Variants in GRID2 observed in about 807,000 individuals in gnomAD.
GRID2 encodes the protein glutamate ionotropic receptor delta type subunit 2.
GRID2 carries 33 observed loss-of-function variants against 114.8 expected under a neutral mutation model. The ratio of observed to expected loss-of-function variants is 0.29; its 90% CI spans 0.22 to 0.38. GRID2 has a LOEUF of 0.38. GRID2 is among the 10% of genes least tolerant of loss of function. The pLI, the probability that GRID2 is intolerant of heterozygous loss-of-function variation, is 1.00. For missense variants in GRID2, 1,184 were observed against 1,257.7 expected, an observed-to-expected ratio of 0.94 and a Z score of 0.89; for synonymous variants, 505 against 449.9, an observed-to-expected ratio of 1.12 and a Z score of -1.55.
chr4:93,690,763 C>G (rs6814829), intron 14 of GRID2, among the ~76,000 whole-genome samples: 2 of 151,370 alleles, frequency 1.3e-5, no homozygotes, highest in Non-Finnish European at 3.0e-5. Context: ...GTGCATTATA[C>G]TGGAATGATT....
At chr4:92,381,625 A>G (rs1422364755) in intron 1 of GRID2, among the ~76,000 whole-genome samples, 1 of 152,014 alleles carries the variant, frequency 6.6e-6, no homozygotes, top group African/African-American at 2.4e-5. Flanking sequence ...TTTCACCACA[A>G]TGTAAAAGTT....
chr4:93,700,100 T>G (rs1301902783), intron 14 of GRID2, among the ~76,000 whole-genome samples: 2 of 152,094 alleles, frequency 1.3e-5, no homozygotes, highest in African/African-American at 4.8e-5. Flanking sequence ...TACCCAAAGA[T>G]AGTTTAAGGT....
At chr4:93,466,601 C>T (rs1724296756) in intron 11 of GRID2, among the ~76,000 whole-genome samples, 1 of 152,068 alleles carries the variant, frequency 6.6e-6, no homozygotes, top group African/African-American at 2.4e-5. Flanking sequence ...TGGAAAGGGG[C>T]AGTAACTCCC....
At chr4:92,671,305 C>T (rs1579810687) in intron 2 of GRID2, among the ~76,000 whole-genome samples, 1 of 151,988 alleles carries the variant, frequency 6.6e-6, no homozygotes, top group East Asian at 1.9e-4. Context: ...ATCCAAACAC[C>T]TCCCACCAAG....
chr4:93,124,366 G>C (rs1372853574), intron 4 of GRID2, among the ~76,000 whole-genome samples: 1 of 152,210 alleles, frequency 6.6e-6, no homozygotes, highest in Non-Finnish European at 1.5e-5. Flanking sequence ...AAGCACTAGA[G>C]AGATGTATTT....
intron 1 of GRID2, among the ~76,000 whole-genome samples, chr4:92,557,731 T>C (rs1726926576): frequency 6.6e-6 from 1 of 151,476 alleles, no homozygotes; most frequent in East Asian, 1.9e-4. Context: ...TATAAATTTA[T>C]AGAAGGGCCT....
rs139413538 is a variant in GRID2, at chr4:93,465,258, C to G, written c.1858+9284C>G. ...GAAAGAGAGGAACACAGACCATGAG[C>G]CAATTTTTTACCTAGTCACAAAGGA... On this transcript the variant is annotated intron_variant, in intron 11 of 15. Coordinates refer to ENST00000282020, the MANE Select transcript of GRID2 (RefSeq NM_001510.4). 4.4e-4 allele frequency among the ~76,000 whole-genome samples: 67 copies of G among 152,224 alleles called. 1 individual carries two copies. In the East Asian group the frequency reaches 0.012, roughly 27 times the overall value.
At chr4:92,642,678 A>AT (rs1427211319) in intron 2 of GRID2, among the ~76,000 whole-genome samples, 28 of 151,542 alleles carry the variant, frequency 1.8e-4, no homozygotes, top group Admixed American at 7.9e-4. Flanking sequence ...CCATTTGTCA[A>AT]TTTTTGGTTT....
intron 1 of GRID2, among the ~76,000 whole-genome samples, chr4:92,472,288 A>G (rs1722085464): frequency 1.3e-5 from 2 of 152,002 alleles, no homozygotes; most frequent in Non-Finnish European, 2.9e-5. Context: ...AATTTATACT[A>G]TTTCATTGGA....
chr4:92,476,891 A>G (rs1722338151), intron 1 of GRID2, among the ~76,000 whole-genome samples: 1 of 152,142 alleles, frequency 6.6e-6, no homozygotes, highest in Non-Finnish European at 1.5e-5. Flanking sequence ...TCTTTAATTT[A>G]TAAGGCTAAT....
chr4:93,467,757 C>A (rs1724429590), intron 11 of GRID2, among the ~76,000 whole-genome samples: 2 of 152,138 alleles, frequency 1.3e-5, no homozygotes, highest in African/African-American at 4.8e-5. Flanking sequence ...TCTTATTTAT[C>A]TTTCTCTTGA....
chr4:93,231,590 C>T (rs1485518186), intron 7 of GRID2, among the ~76,000 whole-genome samples: 2 of 152,090 alleles, frequency 1.3e-5, no homozygotes, highest in African/African-American at 2.4e-5. Flanking sequence ...ATCTGAGCCT[C>T]TGTTCAGGAA....
intron 2 of GRID2, among the ~76,000 whole-genome samples, chr4:92,668,406 T>A (rs956325699): frequency 2.0e-5 from 3 of 151,808 alleles, no homozygotes; most frequent in Non-Finnish European, 4.4e-5. Context: ...TGGATTTTTT[T>A]ATTCTCTTTA....
intron 1 of GRID2, among the ~76,000 whole-genome samples, chr4:92,572,964 G>T (rs1727705300): frequency 6.6e-6 from 1 of 151,658 alleles, no homozygotes; most frequent in Non-Finnish European, 1.5e-5. Flanking sequence ...GGCTTTTTTT[G>T]GTTATTAGGC....
intron 14 of GRID2, among the ~76,000 whole-genome samples, chr4:93,763,077 A>C (rs1182785337): frequency 3.3e-5 from 5 of 152,058 alleles, no homozygotes; most frequent in Admixed American, 3.3e-4. Context: ...TTAATCTCTA[A>C]AACTGAACCC....
intron 2 of GRID2, among the ~76,000 whole-genome samples, chr4:92,941,871 G>A (rs990064515): frequency 6.6e-6 from 1 of 152,180 alleles, no homozygotes; most frequent in Admixed American, 6.5e-5. Flanking sequence ...CCATGTAGTT[G>A]AGTGGTTTTG....
At chr4:92,468,539 CTT>C (rs1344724180) in intron 1 of GRID2, among the ~76,000 whole-genome samples, 2 of 152,006 alleles carry the variant, frequency 1.3e-5, no homozygotes, top group African/African-American at 4.8e-5. Context: ...TAATTAAACA[CTT>C]ATTTAAACAA....
At chr4:93,414,302 A>C (rs2149357059) in intron 9 of GRID2, among the ~76,000 whole-genome samples, 1 of 152,254 alleles carries the variant, frequency 6.6e-6, no homozygotes, top group South Asian at 2.1e-4. Flanking sequence ...ACTGTCTAGT[A>C]AACTGTGAAA....
At chr4:93,611,801 G>A (rs1740950661) in intron 13 of GRID2, among the ~76,000 whole-genome samples, 1 of 150,554 alleles carries the variant, frequency 6.6e-6, no homozygotes, top group African/African-American at 2.5e-5. Flanking sequence ...GTTGATTTGG[G>A]GTGGAGAGTT....
Sources: gnomAD v4.1 joint callset for allele counts (sites outside exome capture counted in the v4.1 genomes callset) on GRCh38, gnomAD v4.1.1 for gene constraint, MANE v1.5 for transcripts, NCBI Gene and HGNC (gene_info 2026-07-23, HGNC 2026-07-21) for gene names.